Variants in TAS2R42 observed in about 807,000 individuals in gnomAD.
TAS2R42 encodes taste 2 receptor member 42, also known as taste receptor type 2 member 42.
For missense variants in TAS2R42, 356 were observed against 356.9 expected (o/e 1.00, Z 0.02); for synonymous variants, 138 against 133.0 (o/e 1.04, Z -0.26).
Position 11,186,783 on chromosome 12 carries a change from G to T in TAS2R42, c.155C>A (p.Ala52Asp), listed in dbSNP as rs751858260. The change falls in exon 1 of 1, where the codon GCT becomes GAT. Residue 52 changes from alanine to aspartate, a missense_variant. Coordinates refer to ENST00000334266, the MANE Select transcript of TAS2R42 (RefSeq NM_181429.2). ...CAACAGTTGTCCAATTGTGGAGATA[G>T]CCAAGCAGGTGAGGATGAAGTCAGC... ...FSADFILTCL[A>D]ISTIGQLLVI... is the part of the protein sequence containing the mutation. 2 of 1,614,094 alleles carry T rather than the reference G, an allele frequency of 1.2e-6. No individual in the cohort carries two copies. The highest frequency in any genetic ancestry group is 8.5e-7 in the Non-Finnish European group (1 of 1,180,000).
chr12:11,186,381 C>T lies in TAS2R42; in HGVS notation c.557G>A (p.Ser186Asn), dbSNP rs1948024593. 6.2e-7 allele frequency: 1 copy of T among 1,608,682 alleles called. No homozygotes were observed. Among genetic ancestry groups the T allele is most frequent in the African/African-American group, 1.3e-5 (1 of 74,568 alleles). Residue 186 changes from serine (S) to asparagine (N), a missense_variant, in exon 1 of 1, where the codon AGC (serine) becomes AAC (asparagine). Transcript: ENST00000334266. ...DKLSILKTLL[S>N]LTSFIPFSLF... ...AGAAAAGGGGATAAAACTGGTCAAG[C>T]TGAGAAGAGTTTTTAAAATAGAGAG...
chr12:11,186,584 A>G lies in TAS2R42; in HGVS notation c.354T>C (p.Leu118=), dbSNP rs368181111. The G allele has an allele frequency of 1.1e-5, 17 of 1,613,902 alleles. No homozygotes were observed. The African/African-American group carries it at 2.3e-4, about 22-fold the overall frequency. Residue 118 remains leucine, a synonymous_variant, in exon 1 of 1, where the codon CTT becomes CTC. Coordinates refer to ENST00000334266, the MANE Select transcript of TAS2R42 (RefSeq NM_181429.2). ...FFKIAHFPHS[L]FLWLRWRMNG... is the part of the protein sequence containing the mutation. Reference sequence around the variant, plus strand: ...TCATCCTCCACCTCAGCCAGAGGAAAAGGGAGTGGGGGAAGTGGGCTATCT... The same window carrying G: ...TCATCCTCCACCTCAGCCAGAGGAAGAGGGAGTGGGGGAAGTGGGCTATCT...
the TAS2R42 span, chr12:11,186,413 A>T: frequency 6.2e-7 from 1 of 1,606,586 alleles, no homozygotes; most frequent in Admixed American, 1.7e-5. Context: ...AGAGTTTATC[A>T]TAGAGAGTTT....
Position 11,186,240 on chromosome 12 carries a change from A to C in TAS2R42, c.698T>G (p.Met233Arg), listed in dbSNP as rs758298691. 1.2e-6 allele frequency: 2 copies of C among 1,613,840 alleles called. No homozygotes were observed. The highest frequency in any genetic ancestry group is 1.7e-6 in the Non-Finnish European group (2 of 1,179,920). The stretch of plus-strand genomic sequence containing the variant: ...GAAAAGGAAAGACATCACCATTTTC[A>C]TGGCCCTCCTATGGGCCTCTGTGCT... ...DSSTEAHRRA[M>R]KMVMSFLFLF... Residue 233 changes from methionine (M) to arginine (R), a missense_variant, in exon 1 of 1, where the codon ATG becomes AGG. Physicochemically the swap from Met to Arg is moderately conservative, Grantham distance 91 (BLOSUM62 -1). Coordinates refer to ENST00000334266, the MANE Select transcript of TAS2R42 (RefSeq NM_181429.2).
rs1669413 is a variant in TAS2R42, at chr12:11,186,175, A to C, written c.763T>G (p.Trp255Gly). ...TTGTTCCACAACATAAAAAATATCCAATTGGCCACTTGTAAGGAAAAAAAA... is the reference window on the plus strand; with the variant it reads ...TTGTTCCACAACATAAAAAATATCCCATTGGCCACTTGTAAGGAAAAAAAA... ...VHFFSLQVAN[W>G]IFFMLWNNKC... The change falls in exon 1 of 1, where the codon TGG becomes GGG. Residue 255 changes from tryptophan to glycine, a missense_variant. Transcript: ENST00000334266. The C allele has an allele frequency of 0.17, 273,720 of 1,613,696 alleles. 29,849 individuals are homozygous for C. The highest frequency in any genetic ancestry group is 0.55 in the African/African-American group (41,022 of 74,944).
chr12:11,186,526 A>G lies in TAS2R42; in HGVS notation c.412T>C (p.Leu138=), dbSNP rs754153895. The G allele has an allele frequency of 1.1e-5, 17 of 1,613,822 alleles. No individual in the cohort carries two copies. Among genetic ancestry groups the G allele is most frequent in the Admixed American group, 1.7e-5 (1 of 59,964 alleles). ...AAACTGTCAAAAATCAGTAAGAACAAAGACAATATAAGAAGCATAACAATC... is the reference window on the plus strand; with the variant it reads ...AAACTGTCAAAAATCAGTAAGAACAGAGACAATATAAGAAGCATAACAATC... ...GMIVMLLILS[L]FLLIFDSLVL... Residue 138 remains leucine (L), a synonymous_variant, in exon 1 of 1, where the codon TTG becomes CTG. Coordinates refer to ENST00000334266, the MANE Select transcript of TAS2R42 (RefSeq NM_181429.2).
rs1331275325 is a variant in TAS2R42, at chr12:11,186,042, A to G, written c.896T>C (p.Leu299Pro). The change falls in exon 1 of 1, where the codon CTG (leucine) becomes CCG (proline). Residue 299 changes from leucine (L) to proline (P), a missense_variant. Transcript: ENST00000334266. The part of the protein sequence containing the change: ...SKLQQTAVRL[L>P]WHLRNYTKTP... ...TTTTGTATAGTTCCTAAGATGCCAC[A>G]GTAGCCTCACAGCTGTCTGTTGCAG... 6.2e-7 allele frequency: 1 copy of G among 1,613,696 alleles called. No homozygotes were observed. The highest frequency in any genetic ancestry group is 8.5e-7 in the Non-Finnish European group (1 of 1,179,796).
In TAS2R42 at chr12:11,186,772, T is replaced by C. The variant is rs139102816; in HGVS notation, c.166A>G (p.Ile56Val). Residue 56 changes from isoleucine to valine, a missense_variant, in exon 1 of 1, where the codon ATT (isoleucine) becomes GTT (valine). Coordinates refer to ENST00000334266, the MANE Select transcript of TAS2R42 (RefSeq NM_181429.2). ...AACAGTATCACCAACAGTTGTCCAA[T>C]TGTGGAGATAGCCAAGCAGGTGAGG... ...FILTCLAISTIGQLLVILFDS... is the reference protein window; with the variant it reads ...FILTCLAISTVGQLLVILFDS... 8.7e-5 allele frequency: 140 copies of C among 1,614,058 alleles called. No individual in the cohort carries two copies. In the African/African-American group the frequency reaches 1.6e-3, roughly 18 times the overall value.
chr12:11,186,332 A>G lies in TAS2R42; in HGVS notation c.606T>C (p.Phe202=), dbSNP rs1211116461. 1 of 1,614,100 alleles carries G rather than the reference A, an allele frequency of 6.2e-7. No homozygotes were observed. The highest frequency in any genetic ancestry group is 1.7e-5 in the Admixed American group (1 of 60,002). The change falls in exon 1 of 1, where the codon TTT becomes TTC. Residue 202 remains phenylalanine (F), a synonymous_variant. Transcript: ENST00000334266. ...PFSLFLTSLL[F]LFLSLVRHTR... ...TATGTCTCACCAAGGACAGAAATAA[A>G]AAAAGCAAGGAGGTCAGGAACAGAG... is the stretch of plus-strand genomic sequence containing the variant.
chr12:11,186,755 C>T lies in TAS2R42; in HGVS notation c.183G>A (p.Val61=). Residue 61 remains valine (V), a synonymous_variant, in exon 1 of 1, where the codon GTG becomes GTA. Transcript: ENST00000334266. ...CCACTAGAAATGAATCAAACAGTAT[C>T]ACCAACAGTTGTCCAATTGTGGAGA... ...LAISTIGQLL[V]ILFDSFLVGL... 6.2e-7 allele frequency: 1 copy of T among 1,614,024 alleles called. No homozygotes were observed. Among genetic ancestry groups the T allele is most frequent in the Non-Finnish European group, 8.5e-7 (1 of 1,179,996 alleles).
In TAS2R42 at chr12:11,186,178, T is replaced by C; in HGVS notation, c.760A>G (p.Asn254Asp). The C allele has an allele frequency of 6.2e-7, 1 of 1,613,792 alleles. No homozygotes were observed. The highest frequency in any genetic ancestry group is 8.5e-7 in the Non-Finnish European group (1 of 1,179,894). The change falls in exon 1 of 1, where the codon AAT becomes GAT. Residue 254 changes from asparagine to aspartate, a missense_variant. By Grantham distance (23) the Asn-to-Asp change is conservative. Transcript: ENST00000334266. ...TTCCACAACATAAAAAATATCCAAT[T>C]GGCCACTTGTAAGGAAAAAAAATGA... The part of the protein sequence containing the change: ...IVHFFSLQVA[N>D]WIFFMLWNNK...
In TAS2R42 at chr12:11,186,290, G is replaced by A. The variant is rs1948023404; in HGVS notation, c.648C>T (p.Leu216=). 6.2e-7 allele frequency: 1 copy of A among 1,613,932 alleles called. No homozygotes were observed. Among genetic ancestry groups the A allele is most frequent in the Non-Finnish European group, 8.5e-7 (1 of 1,179,978 alleles). The change falls in exon 1 of 1, where the codon CTC becomes CTT. Residue 216 remains leucine, a synonymous_variant. Transcript: ENST00000334266. ...TGGAGTCTCTAGAGCCCAAGGAACTGAGCTTCAAATTTCTAGTATGTCTCA... is the reference window on the plus strand; with the variant it reads ...TGGAGTCTCTAGAGCCCAAGGAACTAAGCTTCAAATTTCTAGTATGTCTCA... The part of the protein sequence containing the change: ...SLVRHTRNLK[L]SSLGSRDSST...
At position 11,186,289 on chromosome 12, in the gene TAS2R42, T is replaced by G. The variant is rs370910300; in HGVS notation, c.649A>C (p.Ser217Arg). Residue 217 changes from serine (S) to arginine (R), a missense_variant, in exon 1 of 1, where the codon AGT becomes CGT. Physicochemically the swap from Ser to Arg is moderately radical, Grantham distance 110. Coordinates refer to ENST00000334266, the MANE Select transcript of TAS2R42 (RefSeq NM_181429.2). ...CTGGAGTCTCTAGAGCCCAAGGAAC[T>G]GAGCTTCAAATTTCTAGTATGTCTC... Reference protein sequence around the residue: ...LVRHTRNLKLSSLGSRDSSTE... With the variant: ...LVRHTRNLKLRSLGSRDSSTE... The G allele has an allele frequency of 1.2e-5, 20 of 1,613,886 alleles. No homozygotes were observed. The African/African-American group carries it at 2.4e-4, about 19-fold the overall frequency.
Position 11,186,800 on chromosome 12 carries a change from G to A in TAS2R42, c.138C>T (p.Phe46=), listed in dbSNP as rs1268220275. 6.2e-7 allele frequency: 1 copy of A among 1,614,080 alleles called. No homozygotes were observed. The highest frequency in any genetic ancestry group is 8.5e-7 in the Non-Finnish European group (1 of 1,179,988). ...TGGAGATAGCCAAGCAGGTGAGGAT[G>A]AAGTCAGCTGAGAAGACCTTTTGGT... The part of the protein sequence containing the change: ...IKNQKVFSAD[F]ILTCLAISTI... Residue 46 remains phenylalanine (F), a synonymous_variant, in exon 1 of 1, where the codon TTC becomes TTT. Coordinates refer to ENST00000334266, the MANE Select transcript of TAS2R42 (RefSeq NM_181429.2).
Position 11,186,433 on chromosome 12 carries a change from CTAAATA to C in TAS2R42, c.499_504del (p.Tyr167_Leu168del), listed in dbSNP as rs769661878. ...TTATCATAGAGAGTTTTACTTTCAT[CTAAATA>C]TAAAGTCAGATTACTTTTATCTATT... On this transcript the variant is annotated inframe_deletion, in exon 1 of 1. Coordinates refer to ENST00000334266, the MANE Select transcript of TAS2R42 (RefSeq NM_181429.2). 7 of 1,604,192 alleles carry C rather than the reference CTAAATA, an allele frequency of 4.4e-6. No individual in the cohort carries two copies. The highest frequency in any genetic ancestry group is 2.2e-5 in the East Asian group (1 of 44,784).
chr12:11,186,006 G>A lies in TAS2R42; in HGVS notation c.932C>T (p.Pro311Leu). ...TGTAAAGTCTGTCTACAAAGGTAAAGGGTTTGGTGTTTTTGTATAGTTCCT... is the reference window on the plus strand; with the variant it reads ...TGTAAAGTCTGTCTACAAAGGTAAAAGGTTTGGTGTTTTTGTATAGTTCCT... The part of the protein sequence containing the change: ...HLRNYTKTPN[P>L]LPL The change falls in exon 1 of 1, where the codon CCT (proline) becomes CTT (leucine). Residue 311 changes from proline (P) to leucine (L), a missense_variant. By Grantham distance (98) the Pro-to-Leu change is moderately conservative. Transcript: ENST00000334266. The A allele has an allele frequency of 6.2e-7, 1 of 1,600,386 alleles. No homozygotes were observed. Among genetic ancestry groups the A allele is most frequent in the Non-Finnish European group, 8.5e-7 (1 of 1,174,008 alleles).
rs758148620 is a variant in TAS2R42, at chr12:11,186,934, C to T, written c.4G>A (p.Ala2Thr). 6.4e-7 allele frequency: 1 copy of T among 1,573,250 alleles called. No individual in the cohort carries two copies. Among genetic ancestry groups the T allele is most frequent in the South Asian group, 1.1e-5 (1 of 89,088 alleles). ...AGAAAGATTTTGTCCAATTCGGTGGCCATCTCCAGAGACAAAAAAATCCAA... is the reference window on the plus strand; with the variant it reads ...AGAAAGATTTTGTCCAATTCGGTGGTCATCTCCAGAGACAAAAAAATCCAA... MATELDKIFLIL... is the reference protein window; with the variant it reads MTTELDKIFLIL... The change falls in exon 1 of 1, where the codon GCC becomes ACC. Residue 2 changes from alanine (A) to threonine (T), a missense_variant. Coordinates refer to ENST00000334266, the MANE Select transcript of TAS2R42 (RefSeq NM_181429.2).
chr12:11,186,881 G>C lies in TAS2R42; in HGVS notation c.57C>G (p.Ile19Met). 1 of 1,613,880 alleles carries C rather than the reference G, an allele frequency of 6.2e-7. No homozygotes were observed. The highest frequency in any genetic ancestry group is 8.5e-7 in the Non-Finnish European group (1 of 1,179,942). ...FLILAIAEFIISMLGNVFIGL... is the reference protein window; with the variant it reads ...FLILAIAEFIMSMLGNVFIGL... ...CAATGAACACATTCCCCAGCATGCT[G>C]ATGATGAATTCTGCTATTGCCAGAA... The change falls in exon 1 of 1, where the codon ATC becomes ATG. Residue 19 changes from isoleucine (I) to methionine (M), a missense_variant. Coordinates refer to ENST00000334266, the MANE Select transcript of TAS2R42 (RefSeq NM_181429.2).
Position 11,186,864 on chromosome 12 carries a change from A to G in TAS2R42, c.74T>C (p.Val25Ala). The G allele has an allele frequency of 2.5e-6, 4 of 1,614,022 alleles. No individual in the cohort carries two copies. Among genetic ancestry groups the G allele is most frequent in the East Asian group, 4.5e-5 (2 of 44,882 alleles). ...AEFIISMLGN[V>A]FIGLVNCSEG... ...AGAGCAGTTTACCAGTCCAATGAACACATTCCCCAGCATGCTGATGATGAA... is the reference window on the plus strand; with the variant it reads ...AGAGCAGTTTACCAGTCCAATGAACGCATTCCCCAGCATGCTGATGATGAA... The change falls in exon 1 of 1, where the codon GTG becomes GCG. Residue 25 changes from valine (V) to alanine (A), a missense_variant. Physicochemically the swap from Val to Ala is moderately conservative, Grantham distance 64 (BLOSUM62 0). Transcript: ENST00000334266.
Sources: allele counts gnomAD v4.1 joint callset, GRCh38; gene constraint gnomAD v4.1.1; transcripts MANE v1.5; gene names NCBI Gene and HGNC (gene_info 2026-07-23, HGNC 2026-07-21).